Variants in BTBD9 observed in about 807,000 individuals in gnomAD.
BTBD9 encodes the protein BTB domain containing 9.
In BTBD9, 49 loss-of-function variants were observed where a neutral mutation model predicts 64.3. The ratio of observed to expected loss-of-function variants is 0.76; its 90% confidence interval spans 0.61 to 0.97. The LOEUF (loss-of-function observed/expected upper bound fraction) is 0.97, where lower values mean the gene tolerates loss of function less well. Ranked by LOEUF, BTBD9 falls within the 50% of genes least tolerant of loss-of-function variation. The pLI is 0.00. For missense variants in BTBD9, 598 were observed against 762.1 expected (o/e 0.78, Z 2.53); for synonymous variants, 260 against 274.7 (o/e 0.95, Z 0.53).
rs572515368 is a variant in BTBD9 at position 38,298,752 on chromosome 6, T to G, written c.1265-10291A>C. Among the ~76,000 whole-genome samples the G allele has an allele frequency of 2.0e-5, 3 of 152,282 alleles. No individual in the cohort carries two copies. In the South Asian group the frequency reaches 6.2e-4, roughly 32 times the overall value. ...GATCAACTTTTTAAGCTCCCAATTA[T>G]GAGTAACAACATATGATATCTGTCT... On this transcript the variant is annotated intron_variant, in intron 7 of 10. Coordinates refer to ENST00000481247, the MANE Select transcript of BTBD9 (RefSeq NM_001099272.2).
intron 10 of BTBD9, among the ~76,000 whole-genome samples, chr6:38,183,082 C>T (rs1477997825): frequency 2.6e-5 from 4 of 151,880 alleles, no homozygotes; most frequent in South Asian, 4.1e-4. Flanking sequence ...CGGGTTCATG[C>T]CATTCTCCTG....
At chr6:38,620,308 G>A (rs1002911259) in intron 1 of BTBD9, among the ~76,000 whole-genome samples, 1 of 152,174 alleles carries the variant, frequency 6.6e-6, no homozygotes, top group Non-Finnish European at 1.5e-5. Flanking sequence ...CAGAGGAAGT[G>A]GAATGGTTCA....
intron 6 of BTBD9, among the ~76,000 whole-genome samples, chr6:38,521,622 G>A (rs183683370): frequency 6.6e-6 from 1 of 152,140 alleles, no homozygotes; most frequent in Admixed American, 6.5e-5. Context: ...AGGCTTACCT[G>A]TAACACAATT....
intron 6 of BTBD9, among the ~76,000 whole-genome samples, chr6:38,374,056 A>C (rs1765532327): frequency 2.0e-5 from 3 of 151,270 alleles, no homozygotes; most frequent in African/African-American, 7.3e-5. Context: ...AGATCACTTG[A>C]GGTCAGGAGT....
At chr6:38,194,031 G>A (rs187100261) in intron 9 of BTBD9, among the ~76,000 whole-genome samples, 51 of 152,150 alleles carry the variant, frequency 3.4e-4, no homozygotes, top group Admixed American at 1.9e-3. Flanking sequence ...TGAAGGTGAC[G>A]CCATCTGACC....
At chr6:38,301,350 G>C (rs1284977795) in intron 7 of BTBD9, among the ~76,000 whole-genome samples, 5 of 152,108 alleles carry the variant, frequency 3.3e-5, no homozygotes, top group Non-Finnish European at 7.4e-5. Context: ...GCCAGGCTTT[G>C]GTATCAGGAT....
chr6:38,189,936 A>G (rs1761983493), intron 10 of BTBD9, among the ~76,000 whole-genome samples: 1 of 149,840 alleles, frequency 6.7e-6, no homozygotes, highest in African/African-American at 2.5e-5. Context: ...GGCCTTCCAA[A>G]GTGCTGGAAT....
chr6:38,581,116 T>C (rs548866007), intron 4 of BTBD9, among the ~76,000 whole-genome samples: 3 of 152,148 alleles, frequency 2.0e-5, no homozygotes, highest in Non-Finnish European at 4.4e-5. Flanking sequence ...CACTTGAACC[T>C]GGGAGGCAGA....
intron 6 of BTBD9, among the ~76,000 whole-genome samples, chr6:38,483,906 C>T (rs530736327): frequency 1.3e-5 from 2 of 152,208 alleles, no homozygotes; most frequent in Non-Finnish European, 2.9e-5. Context: ...CTTATTCCCC[C>T]ATTCCAATTT....
At chr6:38,298,152 G>A (rs1036127379) in intron 7 of BTBD9, among the ~76,000 whole-genome samples, 1 of 151,784 alleles carries the variant, frequency 6.6e-6, no homozygotes, top group East Asian at 1.9e-4. Context: ...ACCACACCTG[G>A]CCTCTGCTCC....
intron 6 of BTBD9, among the ~76,000 whole-genome samples, chr6:38,417,336 T>C (rs1287661733): frequency 6.6e-6 from 1 of 152,240 alleles, no homozygotes; most frequent in African/African-American, 2.4e-5. Context: ...ACTCTTACAT[T>C]GCCTGGGACA....
chr6:38,466,040 T>G (rs1483511943), intron 6 of BTBD9, among the ~76,000 whole-genome samples: 1 of 151,048 alleles, frequency 6.6e-6, no homozygotes, highest in Non-Finnish European at 1.5e-5. Context: ...TTCAAGTTCC[T>G]GGTTTCAAGT....
intron 7 of BTBD9, among the ~76,000 whole-genome samples, chr6:38,326,252 G>A (rs1441609850): frequency 6.6e-6 from 1 of 152,192 alleles, no homozygotes; most frequent in East Asian, 1.9e-4. Flanking sequence ...AATGAATGGT[G>A]TATTTTTGAA....
chr6:38,624,201 G>A (rs981208353), intron 1 of BTBD9, among the ~76,000 whole-genome samples: 1 of 152,152 alleles, frequency 6.6e-6, no homozygotes, highest in Non-Finnish European at 1.5e-5. Flanking sequence ...GCCAATTGCG[G>A]GGAGGACTGA....
chr6:38,191,474 G>T (rs1035221309), intron 10 of BTBD9, among the ~76,000 whole-genome samples: 15 of 152,190 alleles, frequency 9.9e-5, no homozygotes, highest in African/African-American at 3.6e-4. Flanking sequence ...CTGTCACGCT[G>T]GTTATTATTT....
chr6:38,441,252 G>A (rs76986831), intron 6 of BTBD9, among the ~76,000 whole-genome samples: 3 of 152,156 alleles, frequency 2.0e-5, no homozygotes, highest in Non-Finnish European at 4.4e-5. Flanking sequence ...CTAAGAATGT[G>A]TTCTCTTGGG....
chr6:38,208,746 C>T (rs1762737291), intron 9 of BTBD9, among the ~76,000 whole-genome samples: 1 of 152,204 alleles, frequency 6.6e-6, no homozygotes, highest in Admixed American at 6.5e-5. Flanking sequence ...AGCTGTCTCG[C>T]TGTCCAGACT....
At chr6:38,253,974 C>G (rs1191458673) in intron 9 of BTBD9, among the ~76,000 whole-genome samples, 1 of 149,012 alleles carries the variant, frequency 6.7e-6, no homozygotes, top group Non-Finnish European at 1.5e-5. Flanking sequence ...CAACCAGGAA[C>G]TGACTACATT....
At chr6:38,576,569 G>A (rs1269895533) in intron 6 of BTBD9, among the ~76,000 whole-genome samples, 3 of 152,148 alleles carry the variant, frequency 2.0e-5, no homozygotes, top group African/African-American at 4.8e-5. Flanking sequence ...AAGTATAAGA[G>A]TAACTTCTGA....
Sources: gnomAD v4.1 joint callset for allele counts (sites outside exome capture counted in the v4.1 genomes callset) on GRCh38, gnomAD v4.1.1 for gene constraint, MANE v1.5 for transcripts, NCBI Gene and HGNC (gene_info 2026-07-23, HGNC 2026-07-21) for gene names.